The following SIPA1L3 variants were observed in gnomAD, a reference collection of about 807,000 sequenced individuals.
The protein encoded by SIPA1L3 is signal-induced proliferation-associated 1-like protein 3.
In SIPA1L3, 59 loss-of-function variants were observed where a neutral mutation model predicts 150.1. The observed-to-expected ratio is 0.39, with a 90% confidence interval of 0.32 to 0.49. The LOEUF (loss-of-function observed/expected upper bound fraction) is 0.49. Among genes scored for constraint, SIPA1L3 ranks in the 20% least tolerant of loss-of-function variants. The pLI is 0.86. For missense variants in SIPA1L3, 2,211 were observed against 2,489.5 expected, an observed-to-expected ratio of 0.89 and a Z score of 2.38; for synonymous variants, 1,070 against 1,077.6, an observed-to-expected ratio of 0.99 and a Z score of 0.14.
rs141435026 is a variant in SIPA1L3, at chr19:38,130,671, C to G, written c.3042C>G (p.Ala1014=). 1.2e-6 allele frequency: 2 copies of G among 1,613,988 alleles called. No individual in the cohort carries two copies. The highest frequency in any genetic ancestry group is 1.7e-6 in the Non-Finnish European group (2 of 1,180,034). Residue 1014 remains alanine, a synonymous_variant, in exon 10 of 22, where the codon GCC becomes GCG. Coordinates refer to ENST00000222345, the MANE Select transcript of SIPA1L3 (RefSeq NM_015073.3). ...GACTAGTGGAGATCTGCAAGGTGGC[C>G]GTGGTCACACTGACCCACGACCAGA... is the stretch of plus-strand genomic sequence containing the variant. ...GSRLVEICKV[A]VVTLTHDQMI...
At position 38,067,052 on chromosome 19, in the gene SIPA1L3, C is replaced by T. The variant is rs542474919; in HGVS notation, c.-310-14204C>T. On this transcript the variant is annotated intron_variant, in intron 2 of 21. Transcript: ENST00000222345. ...GGGAGTTCAAGACCAGCCTGGGCAA[C>T]GTAGCAAGACCCAGTCTCTACAAAA... Among the ~76,000 whole-genome samples the T allele has an allele frequency of 1.8e-4, 28 of 151,754 alleles. No homozygotes were observed. The East Asian group carries it at 3.1e-3, about 17-fold the overall frequency.
chr19:38,194,549 G>C (rs1183999465), intron 18 of SIPA1L3, among the ~76,000 whole-genome samples: 2 of 152,110 alleles, frequency 1.3e-5, no homozygotes, highest in Non-Finnish European at 2.9e-5. Flanking sequence ...TGACCTTTTT[G>C]AGTTTGTTAC....
At chr19:38,075,275 G>A (rs186123018) in intron 2 of SIPA1L3, among the ~76,000 whole-genome samples, 5 of 152,086 alleles carry the variant, frequency 3.3e-5, no homozygotes, top group Admixed American at 1.3e-4. Context: ...TGCCCAACAC[G>A]GAGAAAACCC....
chr19:38,089,764 A>C (rs1970220720), intron 4 of SIPA1L3, among the ~76,000 whole-genome samples: 1 of 152,246 alleles, frequency 6.6e-6, no homozygotes, highest in African/African-American at 2.4e-5. Context: ...TCTAAATTGT[A>C]AGTGACAGAA....
chr19:38,201,896 C>G lies in SIPA1L3; in HGVS notation c.5019C>G (p.Asp1673Glu). The G allele has an allele frequency of 6.2e-7, 1 of 1,613,854 alleles. No individual in the cohort carries two copies. The highest frequency in any genetic ancestry group is 1.6e-4 in the Middle Eastern group (1 of 6,062). The change falls in exon 20 of 22, where the codon GAC becomes GAG. Residue 1673 changes from aspartate to glutamate, a missense_variant. By Grantham distance (45) the Asp-to-Glu change is conservative. Around this residue, in one of 5 missense-constraint regions of SIPA1L3, gnomAD observed 806 missense variants for 870.1 expected, o/e 0.93. Coordinates refer to ENST00000222345, the MANE Select transcript of SIPA1L3 (RefSeq NM_015073.3). ...QRAVSLFSLN[D>E]PALSPDIPPA... ...CCGTCTCACTCTTCTCTCTGAACGA[C>G]CCGGCCCTGAGCCCGGACATCCCGC...
chr19:38,056,854 T>C (rs776618841), intron 2 of SIPA1L3, among the ~76,000 whole-genome samples: 23 of 152,224 alleles, frequency 1.5e-4, no homozygotes, highest in Non-Finnish European at 3.4e-4. Flanking sequence ...GGTCAGGAGT[T>C]GGAGACCGCC....
At chr19:38,197,669 C>T (rs1012305055) in intron 18 of SIPA1L3, among the ~76,000 whole-genome samples, 1 of 151,918 alleles carries the variant, frequency 6.6e-6, no homozygotes, top group African/African-American at 2.4e-5. Context: ...CCCCAGCCTT[C>T]CCGATCAGAG....
chr19:38,053,135 C>T (rs1311732921), intron 2 of SIPA1L3, among the ~76,000 whole-genome samples: 1 of 152,104 alleles, frequency 6.6e-6, no homozygotes, highest in Non-Finnish European at 1.5e-5. Flanking sequence ...GGTGGCTTCA[C>T]GGAGGTGAGG....
chr19:38,141,150 G>A (rs1181346069), intron 10 of SIPA1L3, 34 bp from the exon 11 acceptor site: 1 of 1,542,708 alleles, frequency 6.5e-7, no homozygotes, highest in Non-Finnish European at 8.8e-7. Flanking sequence ...TGGTGGGCTG[G>A]GGCCTTTCTG....
At position 37,934,501 on chromosome 19, in the gene SIPA1L3, G is replaced by A. The variant is rs201696373; in HGVS notation, c.-379+27143G>A. Among the ~76,000 whole-genome samples, 14 of 152,242 alleles carry A rather than the reference G, an allele frequency of 9.2e-5. No homozygotes were observed. The East Asian group carries it at 2.3e-3, about 25-fold the overall frequency. On this transcript the variant is annotated intron_variant, in intron 1 of 21. Transcript: ENST00000222345. Reference sequence around the variant, plus strand: ...CACAGGTTCCTTATCTGGAAAATGGGGATAATTAATAGATGATTAAACGAG... The same window carrying A: ...CACAGGTTCCTTATCTGGAAAATGGAGATAATTAATAGATGATTAAACGAG...
chr19:38,023,787 G>C (rs972534593), intron 1 of SIPA1L3, among the ~76,000 whole-genome samples: 2 of 152,240 alleles, frequency 1.3e-5, no homozygotes, highest in East Asian at 1.9e-4. Flanking sequence ...TCAGTCAAGA[G>C]AGAGTGCCTG....
At chr19:38,078,377 G>T (rs1969894643) in intron 2 of SIPA1L3, among the ~76,000 whole-genome samples, 1 of 151,572 alleles carries the variant, frequency 6.6e-6, no homozygotes, top group African/African-American at 2.4e-5. Context: ...TGTGATCTCT[G>T]CCAGTGCGCT....
intron 1 of SIPA1L3, among the ~76,000 whole-genome samples, chr19:37,972,067 A>G (rs1373406235): frequency 6.6e-6 from 1 of 152,102 alleles, no homozygotes; most frequent in African/African-American, 2.4e-5. Context: ...TTGTGTAAAG[A>G]TATTTTTCAG....
chr19:38,078,395 T>G (rs939909583), intron 2 of SIPA1L3, among the ~76,000 whole-genome samples: 151 of 151,744 alleles, frequency 1.0e-3, no homozygotes, highest in African/African-American at 3.6e-3. Context: ...GCTCCATAAC[T>G]GGGCATAAAT....
intron 1 of SIPA1L3, among the ~76,000 whole-genome samples, chr19:37,998,505 G>T (rs1967698859): frequency 6.6e-6 from 1 of 152,180 alleles, no homozygotes; most frequent in African/African-American, 2.4e-5. Context: ...CTTCAGGCCG[G>T]GTGTGGTGCC....
At chr19:38,035,777 T>TGAG (rs1409836670) in intron 2 of SIPA1L3, among the ~76,000 whole-genome samples, 9 of 151,826 alleles carry the variant, frequency 5.9e-5, no homozygotes, top group Non-Finnish European at 1.2e-4. Flanking sequence ...ATGATGATAA[T>TGAG]GAGGAGGAGG....
At chr19:38,010,702 ACT>A (rs1345681413) in intron 1 of SIPA1L3, among the ~76,000 whole-genome samples, 1 of 152,086 alleles carries the variant, frequency 6.6e-6, no homozygotes, top group African/African-American at 2.4e-5. Flanking sequence ...CAAGAGCGAA[ACT>A]CTGTCTAAAA....
At chr19:37,985,912 G>A (rs1353149954) in intron 1 of SIPA1L3, among the ~76,000 whole-genome samples, 2 of 152,248 alleles carry the variant, frequency 1.3e-5, no homozygotes. Flanking sequence ...TCCCAGCCAA[G>A]AATGTGGTTG....
chr19:38,079,655 G>A (rs772804817), intron 2 of SIPA1L3, among the ~76,000 whole-genome samples: 5 of 151,312 alleles, frequency 3.3e-5, no homozygotes, highest in East Asian at 2.0e-4. Flanking sequence ...TCCCGGGTTC[G>A]AGTGATCCTT....
Sources: allele counts gnomAD v4.1 joint callset (sites outside exome capture counted in the v4.1 genomes callset), GRCh38; gene constraint gnomAD v4.1.1; regional missense constraint gnomAD v4.1.1; transcripts MANE v1.5; gene names NCBI Gene and HGNC (gene_info 2026-07-23, HGNC 2026-07-21).